Variants in ANGPTL4 observed in about 807,000 individuals in gnomAD.
ANGPTL4 encodes the protein angiopoietin like 4.
ANGPTL4 carries 39 observed loss-of-function variants against 39.2 expected under a neutral mutation model. That is an observed-to-expected ratio of 1.00 (90% CI 0.77 to 1.30). The LOEUF is 1.30. Among genes scored for constraint, ANGPTL4 ranks in the 50% most tolerant of loss-of-function variants. The pLI is 0.00. For synonymous variants in ANGPTL4, 233 were observed against 229.5 expected (o/e 1.02, Z -0.14); for missense variants, 545 against 549.8 (o/e 0.99, Z 0.09).
intron 6 of ANGPTL4, among the ~76,000 whole-genome samples, chr19:8,372,477 T>C (rs1599674447): frequency 8.6e-6 from 1 of 115,694 alleles, no homozygotes; most frequent in Admixed American, 1.0e-4. Flanking sequence ...CACTGCAACC[T>C]CCACCTCCCG....
At chr19:8,368,516 G>A (rs1036829427) in intron 3 of ANGPTL4, among the ~76,000 whole-genome samples, 3 of 152,132 alleles carry the variant, frequency 2.0e-5, no homozygotes, top group African/African-American at 7.2e-5. Context: ...TGGGGGTGAG[G>A]CAAGGCAGGG....
intron 6 of ANGPTL4, among the ~76,000 whole-genome samples, chr19:8,372,528 G>T (rs1489495016): frequency 2.0e-5 from 3 of 151,150 alleles, no homozygotes; most frequent in Admixed American, 1.3e-4. Flanking sequence ...ATTAGGCACG[G>T]TGGCTCACAC....
At chr19:8,372,937 A>G (rs1444387918) in intron 6 of ANGPTL4, among the ~76,000 whole-genome samples, 1 of 152,052 alleles carries the variant, frequency 6.6e-6, no homozygotes, top group Non-Finnish European at 1.5e-5. Flanking sequence ...AGCCTGGGCA[A>G]TGGAGCCAGG....
rs754257420 is a variant in ANGPTL4 at position 8,369,304 on chromosome 19, A to G, written c.633A>G (p.Pro211=). The part of the protein sequence containing the change: ...LFEIQPQGSP[P]FLVNCKMTSD... ...AAATCCAGCCTCAGGGGTCTCCGCC[A>G]TTTTTGGTGAACTGCAAGATGACCT... The change falls in exon 4 of 7, where the codon CCA becomes CCG. Residue 211 remains proline (P), a synonymous_variant. Transcript: ENST00000301455. The G allele has an allele frequency of 1.2e-6, 2 of 1,612,112 alleles. No individual in the cohort carries two copies. Among genetic ancestry groups the G allele is most frequent in the South Asian group, 2.2e-5 (2 of 90,308 alleles).
At position 8,373,967 on chromosome 19, in the gene ANGPTL4, G is replaced by A; in HGVS notation, c.*81G>A. On this transcript the variant is annotated 3_prime_UTR_variant, in exon 7 of 7. Coordinates refer to ENST00000301455, the MANE Select transcript of ANGPTL4 (RefSeq NM_139314.3). Reference sequence around the variant, plus strand: ...CCGAGGATGTGGCCGTTCCCTGCCTGGGCAGGGGCTCCAAGGAGGGGCCAT... The same window carrying A: ...CCGAGGATGTGGCCGTTCCCTGCCTAGGCAGGGGCTCCAAGGAGGGGCCAT... 4.0e-6 allele frequency: 6 copies of A among 1,491,962 alleles called. No homozygotes were observed. The highest frequency in any genetic ancestry group is 5.6e-6 in the Non-Finnish European group (6 of 1,079,882). The allele number at this position is 1,491,962 out of a possible 1,614,324, so 92.4% of individuals were successfully genotyped here.
chr19:8,372,064 T>C lies in ANGPTL4; in HGVS notation c.1039+542T>C, dbSNP rs979252334. Among the ~76,000 whole-genome samples the C allele has an allele frequency of 9.0e-5, 13 of 144,514 alleles. 1 individual carries two copies. Among genetic ancestry groups the C allele is most frequent in the African/African-American group, 3.1e-4 (12 of 38,350 alleles). 94.8% of individuals were successfully genotyped at this position (144,514 alleles called of 152,430 possible). A position where few individuals can be genotyped will look rare whatever the true frequency, so the allele number is the denominator to read the frequency against. ...TGAGCCACCGCGCCCGGCCTACTTA[T>C]TTATTTTTTGAGACAGAGTCCCGCT... On this transcript the variant is annotated intron_variant, in intron 6 of 6. Coordinates refer to ENST00000301455, the MANE Select transcript of ANGPTL4 (RefSeq NM_139314.3).
Position 8,373,846 on chromosome 19 carries a change from C to G in ANGPTL4, c.1181C>G (p.Thr394Ser). Residue 394 changes from threonine to serine, a missense_variant, in exon 7 of 7, where the codon ACC (threonine) becomes AGC (serine). Thr to Ser is a moderately conservative substitution (Grantham distance 58). Transcript: ENST00000301455. ...RGRYYPLQAT[T>S]MLIQPMAAEA... is the part of the protein sequence containing the mutation. ...CGCTACTACCCGCTGCAGGCCACCA[C>G]CATGTTGATCCAGCCCATGGCAGCA... 1 of 1,613,802 alleles carries G rather than the reference C, an allele frequency of 6.2e-7. No homozygotes were observed. The highest frequency in any genetic ancestry group is 8.5e-7 in the Non-Finnish European group (1 of 1,179,998).
chr19:8,366,066 TAA>T lies in ANGPTL4; in HGVS notation c.429+3_429+4del, dbSNP rs1334511223. 1 of 1,613,878 alleles carries T rather than the reference TAA, an allele frequency of 6.2e-7. No individual in the cohort carries two copies. The highest frequency in any genetic ancestry group is 1.7e-5 in the Admixed American group (1 of 59,990). On this transcript the variant is annotated splice_donor_region_variant and intron_variant, in intron 2 of 6. Coordinates refer to ENST00000301455, the MANE Select transcript of ANGPTL4 (RefSeq NM_139314.3). Reference sequence around the variant, plus strand: ...CGAATTCAGCATCTGCAAAGCCAGGTAACCCTAGGATCAAGGGAGAAAAGGTC... The same window carrying T: ...CGAATTCAGCATCTGCAAAGCCAGGTCCCTAGGATCAAGGGAGAAAAGGTC...
Position 8,371,492 on chromosome 19 carries a change from A to G in ANGPTL4, c.1009A>G (p.Arg337Gly), listed in dbSNP as rs1174734409. 1 of 1,613,096 alleles carries G rather than the reference A, an allele frequency of 6.2e-7. No homozygotes were observed. The highest frequency in any genetic ancestry group is 2.2e-5 in the East Asian group (1 of 44,864). ...TTGGGACCAGGATCACGACCTCCGC[A>G]GGGACAAGAACTGCGCCAAGAGCCT... ...STWDQDHDLR[R>G]DKNCAKSLSG... is the part of the protein sequence containing the mutation. Residue 337 changes from arginine (R) to glycine (G), a missense_variant, in exon 6 of 7, where the codon AGG becomes GGG. Coordinates refer to ENST00000301455, the MANE Select transcript of ANGPTL4 (RefSeq NM_139314.3). This position sits in a 1 kb window ranked among gnomAD's most constrained non-coding sequence, Gnocchi z 5.1.
Position 8,364,186 on chromosome 19 carries a change from T to C in ANGPTL4, c.-136T>C, listed in dbSNP as rs1205783228. 3 of 941,838 alleles carry C rather than the reference T, an allele frequency of 3.2e-6. No individual in the cohort carries two copies. Among genetic ancestry groups the C allele is most frequent in the Non-Finnish European group, 4.7e-6 (3 of 640,510 alleles). 58.3% of individuals were successfully genotyped at this position (941,838 alleles called of 1,614,324 possible). ...CGAGCTGAGCGGATCCTCACACGACTGTGATCCGATTCTTTCCAGCGGCTT... is the reference window on the plus strand; with the variant it reads ...CGAGCTGAGCGGATCCTCACACGACCGTGATCCGATTCTTTCCAGCGGCTT... On this transcript the variant is annotated 5_prime_UTR_variant, in exon 1 of 7. Coordinates refer to ENST00000301455, the MANE Select transcript of ANGPTL4 (RefSeq NM_139314.3).
At chr19:8,365,928 T>C (rs1970992473) in intron 1 of ANGPTL4, 26 bp from the exon 2 acceptor site, 1 of 1,596,380 alleles carries the variant, frequency 6.3e-7, no homozygotes, top group African/African-American at 1.3e-5. Context: ...AGCTGGGTCC[T>C]CACCAAGGTT....
chr19:8,365,458 A>T (rs975586305), intron 1 of ANGPTL4, among the ~76,000 whole-genome samples: 3 of 152,088 alleles, frequency 2.0e-5, no homozygotes, highest in African/African-American at 7.2e-5. Context: ...AGCCTGGGCG[A>T]CAGAGCTCGA....
intron 6 of ANGPTL4, among the ~76,000 whole-genome samples, chr19:8,373,447 T>C (rs1568219918): frequency 6.6e-6 from 1 of 151,558 alleles, no homozygotes; most frequent in Admixed American, 6.6e-5. Context: ...GGCAGGCGCC[T>C]GTAATCCCAG....
chr19:8,364,716 G>A (rs1456187576), intron 1 of ANGPTL4, 77 bp downstream of exon 1: 6 of 1,516,442 alleles, frequency 4.0e-6, no homozygotes, highest in Admixed American at 2.0e-5. Flanking sequence ...GGAGTGGGGC[G>A]TGGGGGCGGG....
At position 8,371,423 on chromosome 19, in the gene ANGPTL4, G is replaced by A. The variant is rs1971117632; in HGVS notation, c.940G>A (p.Ala314Thr). The change falls in exon 6 of 7, where the codon GCC (alanine) becomes ACC (threonine). Residue 314 changes from alanine to threonine, a missense_variant. By Grantham distance (58) the Ala-to-Thr change is moderately conservative. Coordinates refer to ENST00000301455, the MANE Select transcript of ANGPTL4 (RefSeq NM_139314.3). The surrounding 1 kb of genome is among the most constrained non-coding windows in gnomAD (Gnocchi z 5.1). Reference protein sequence around the residue: ...LTAPVAGQLGATTVPPSGLSV... With the variant: ...LTAPVAGQLGTTTVPPSGLSV... Reference sequence around the variant, plus strand: ...TGCACCCGTGGCCGGCCAGCTGGGCGCCACCACCGTCCCACCCAGCGGCCT... The same window carrying A: ...TGCACCCGTGGCCGGCCAGCTGGGCACCACCACCGTCCCACCCAGCGGCCT... 2 of 1,613,324 alleles carry A rather than the reference G, an allele frequency of 1.2e-6. No homozygotes were observed. Among genetic ancestry groups the A allele is most frequent in the Non-Finnish European group, 1.7e-6 (2 of 1,179,988 alleles).
At chr19:8,364,905 A>C (rs1029631395) in intron 1 of ANGPTL4, among the ~76,000 whole-genome samples, 1 of 151,916 alleles carries the variant, frequency 6.6e-6, no homozygotes, top group Non-Finnish European at 1.5e-5. Flanking sequence ...AAATAAAATA[A>C]AATAAATATA....
rs887655016 is a variant in ANGPTL4 at position 8,371,605 on chromosome 19, A to G, written c.1039+83A>G. ...TGCTCTGTCCTGCCTTCAACCCCAC[A>G]TTGCATCTGTTTCCTGCCCCCACCT... is the stretch of plus-strand genomic sequence containing the variant. On this transcript the variant is annotated intron_variant, in intron 6 of 6. Coordinates refer to ENST00000301455, the MANE Select transcript of ANGPTL4 (RefSeq NM_139314.3). The surrounding 1 kb of genome is among the most constrained non-coding windows in gnomAD (Gnocchi z 5.1). 1.9e-6 allele frequency: 3 copies of G among 1,570,114 alleles called. No individual in the cohort carries two copies. The highest frequency in any genetic ancestry group is 3.5e-5 in the Admixed American group (2 of 57,140).
intron 3 of ANGPTL4, among the ~76,000 whole-genome samples, 183 bp downstream of exon 3, chr19:8,366,502 C>A (rs557665532): frequency 1.3e-5 from 2 of 152,282 alleles, no homozygotes; most frequent in African/African-American, 4.8e-5. Flanking sequence ...TGACCTGGCC[C>A]AGCCAGGCCA....
At position 8,364,482 on chromosome 19, in the gene ANGPTL4, G is replaced by T. The variant is rs770601171; in HGVS notation, c.161G>T (p.Gly54Val). Residue 54 changes from glycine to valine, a missense_variant, in exon 1 of 7, where the codon GGG (glycine) becomes GTG (valine). Gly to Val is a moderately radical substitution (Grantham distance 109). Coordinates refer to ENST00000301455, the MANE Select transcript of ANGPTL4 (RefSeq NM_139314.3). ...LAHGLLQLGQ[G>V]LREHAERTRS... ...CACGGACTCCTGCAGCTCGGCCAGG[G>T]GCTGCGCGAACACGCGGAGCGCACC... 4 of 1,565,132 alleles carry T rather than the reference G, an allele frequency of 2.6e-6. No homozygotes were observed. The highest frequency in any genetic ancestry group is 3.8e-5 in the Admixed American group (2 of 52,596).
Sources: gnomAD v4.1 joint callset for allele counts (sites outside exome capture counted in the v4.1 genomes callset) on GRCh38, gnomAD v4.1.1 for gene constraint, Gnocchi (gnomAD v3.1) non-coding constraint, MANE v1.5 for transcripts, NCBI Gene and HGNC (gene_info 2026-07-23, HGNC 2026-07-21) for gene names.